The following MECOM variants were observed in gnomAD, a reference collection of about 807,000 sequenced individuals.
MECOM encodes the protein MDS1 and EVI1 complex locus.
A neutral mutation model predicts 116.3 loss-of-function variants in MECOM; 13 were observed. The observed-to-expected ratio is 0.11, with a 90% CI of 0.07 to 0.18. The LOEUF is 0.18. Among genes scored for constraint, MECOM ranks in the 10% least tolerant of loss-of-function variants. The probability of loss-of-function intolerance (pLI) is 1.00; values close to 1 mark genes in which losing one functional copy is unlikely to be tolerated. For synonymous variants in MECOM, 528 were observed against 535.2 expected (o/e 0.99, Z 0.19); for missense variants, 1,299 against 1,509.0 (o/e 0.86, Z 2.31).
In MECOM at chr3:169,367,782, G is replaced by C. The variant is rs185414540; in HGVS notation, c.375+13405C>G. 3.8e-3 allele frequency among the ~76,000 whole-genome samples: 584 copies of C among 152,066 alleles called. 3 individuals are homozygous for C. Among genetic ancestry groups the C allele is most frequent in the African/African-American group, 0.014 (562 of 41,532 alleles). ...TGCAAGTAGTCTATTGGCAGTGGGT[G>C]GCATGGCCAACAATAATACAATTAA... On this transcript the variant is annotated intron_variant, in intron 2 of 16. Coordinates refer to ENST00000651503, the MANE Select transcript of MECOM (RefSeq NM_004991.4).
At chr3:169,111,668 T>C (rs73167915) in intron 9 of MECOM, among the ~76,000 whole-genome samples, 9,574 of 152,198 alleles carry the variant, frequency 0.063, 442 homozygotes, top group South Asian at 0.2. Flanking sequence ...AACCACATAT[T>C]ATCTCATTTT....
At chr3:169,553,774 T>C (rs1341210660) in intron 1 of MECOM, among the ~76,000 whole-genome samples, 1 of 152,222 alleles carries the variant, frequency 6.6e-6, no homozygotes, top group African/African-American at 2.4e-5. Flanking sequence ...ATGTGGTCTA[T>C]TCTCTGTGTG....
chr3:169,304,966 C>A (rs1446891139), intron 2 of MECOM, among the ~76,000 whole-genome samples: 2 of 152,126 alleles, frequency 1.3e-5, no homozygotes, highest in Admixed American at 1.3e-4. Flanking sequence ...ACATTTGTAA[C>A]GATAAGATCT....
intron 2 of MECOM, among the ~76,000 whole-genome samples, chr3:169,322,418 T>A (rs2149754582): frequency 6.6e-6 from 1 of 152,276 alleles, no homozygotes; most frequent in African/African-American, 2.4e-5. Context: ...TTATTCTCCA[T>A]ACTCATTGAC....
chr3:169,111,615 A>G (rs891312995), intron 9 of MECOM, among the ~76,000 whole-genome samples: 5 of 152,148 alleles, frequency 3.3e-5, no homozygotes, highest in African/African-American at 4.8e-5. Flanking sequence ...CTTCCTATAT[A>G]AAATTAATAC....
intron 2 of MECOM, among the ~76,000 whole-genome samples, chr3:169,156,637 G>A (rs912853454): frequency 2.1e-4 from 32 of 152,256 alleles, no homozygotes; most frequent in African/African-American, 6.7e-4. Context: ...TACACGGCCT[G>A]AGAACCTTCC....
rs187147097 is a variant in MECOM at position 169,539,759 on chromosome 3, C to T, written c.37+123577G>A. Among the ~76,000 whole-genome samples, 3 of 151,742 alleles carry T rather than the reference C, an allele frequency of 2.0e-5. No homozygotes were observed. In the East Asian group the frequency reaches 5.8e-4, roughly 29 times the overall value. ...ACCACAGCACTTTCCTATATAAAACCCATCAGTGACTCCTCAGGGTCCTCA... is the reference window on the plus strand; with the variant it reads ...ACCACAGCACTTTCCTATATAAAACTCATCAGTGACTCCTCAGGGTCCTCA... On this transcript the variant is annotated intron_variant, in intron 1 of 16. Transcript: ENST00000651503.
At chr3:169,266,430 T>C (rs1758313453) in intron 2 of MECOM, among the ~76,000 whole-genome samples, 1 of 152,196 alleles carries the variant, frequency 6.6e-6, no homozygotes, top group Non-Finnish European at 1.5e-5. Flanking sequence ...CAGGGCAAAA[T>C]AAGCAAACTA....
At chr3:169,595,345 A>G (rs1012963040) in intron 1 of MECOM, among the ~76,000 whole-genome samples, 3 of 152,208 alleles carry the variant, frequency 2.0e-5, no homozygotes, top group Admixed American at 6.5e-5. Flanking sequence ...TATTACCTCT[A>G]TGCTTCATAA....
chr3:169,276,730 A>C (rs564799536), intron 2 of MECOM, among the ~76,000 whole-genome samples: 7 of 152,282 alleles, frequency 4.6e-5, no homozygotes, highest in Non-Finnish European at 4.4e-5. Context: ...GAAGGTACGC[A>C]TAAGAAGATC....
chr3:169,290,920 T>C (rs9849075), intron 2 of MECOM, among the ~76,000 whole-genome samples: 5,546 of 152,252 alleles, frequency 0.036, 342 homozygotes, highest in African/African-American at 0.13. Flanking sequence ...ATTTTTAGAA[T>C]GTAGCAGAAC....
chr3:169,088,922 T>G (rs1718729401), intron 16 of MECOM, 78 bp downstream of exon 16: 2 of 1,219,262 alleles, frequency 1.6e-6, no homozygotes, highest in Non-Finnish European at 1.1e-6. Context: ...GATAGAATAT[T>G]TGCTTTTTGG....
intron 1 of MECOM, among the ~76,000 whole-genome samples, chr3:169,650,222 T>C (rs1157908735): frequency 6.6e-6 from 1 of 152,238 alleles, no homozygotes; most frequent in Non-Finnish European, 1.5e-5. Flanking sequence ...GATTACCCAG[T>C]GAAAAACATT....
At chr3:169,304,838 G>GCC (rs778197986) in intron 2 of MECOM, among the ~76,000 whole-genome samples, 101 of 152,256 alleles carry the variant, frequency 6.6e-4, no homozygotes, top group Non-Finnish European at 1.1e-3. Flanking sequence ...CTTAGAGTTA[G>GCC]TTTTTATAAT....
chr3:169,541,583 C>A (rs16854038), intron 1 of MECOM, among the ~76,000 whole-genome samples: 7,676 of 152,308 alleles, frequency 0.05, 433 homozygotes, highest in East Asian at 0.32. Context: ...ATGCAGGACC[C>A]CAAATTTCCC....
intron 15 of MECOM, 63 bp downstream of exon 15, chr3:169,089,937 A>T: frequency 6.5e-7 from 1 of 1,533,226 alleles, no homozygotes; most frequent in South Asian, 1.3e-5. Flanking sequence ...TTATCACAGG[A>T]GGAATTGCAA....
intron 1 of MECOM, among the ~76,000 whole-genome samples, chr3:169,384,557 C>T (rs1412771030): frequency 3.9e-5 from 6 of 152,110 alleles, no homozygotes; most frequent in African/African-American, 1.4e-4. Flanking sequence ...ACTGCAAATG[C>T]AAAGTTATTT....
At chr3:169,326,292 G>A (rs1465373263) in intron 2 of MECOM, among the ~76,000 whole-genome samples, 2 of 152,064 alleles carry the variant, frequency 1.3e-5, no homozygotes, top group African/African-American at 2.4e-5. Context: ...TCAAAGAAAC[G>A]AAAAATTATG....
chr3:169,138,711 C>T (rs1737146649), intron 3 of MECOM, among the ~76,000 whole-genome samples: 1 of 152,078 alleles, frequency 6.6e-6, no homozygotes, highest in Admixed American at 6.6e-5. Flanking sequence ...AGCAAATTAA[C>T]AAATTACCTG....
Sources: gnomAD v4.1 joint callset for allele counts (sites outside exome capture counted in the v4.1 genomes callset) on GRCh38, gnomAD v4.1.1 for gene constraint, MANE v1.5 for transcripts, NCBI Gene and HGNC (gene_info 2026-07-23, HGNC 2026-07-21) for gene names.